Variants in KDM4A observed in about 807,000 individuals in gnomAD.
KDM4A encodes lysine demethylase 4A.
A neutral mutation model predicts 127.1 loss-of-function variants in KDM4A; 23 were observed. That is an observed-to-expected ratio of 0.18 (90% confidence interval 0.13 to 0.26). The LOEUF is 0.26. KDM4A is among the 10% of genes least tolerant of loss of function. The pLI, the probability that KDM4A is intolerant of heterozygous loss-of-function variation, is 1.00. For synonymous variants in KDM4A, 443 were observed against 466.5 expected (o/e 0.95, Z 0.65); for missense variants, 890 against 1,329.1 (o/e 0.67, Z 5.14).
rs1204649604 is a variant in KDM4A at position 43,653,233 on chromosome 1, A to G, written c.58A>G (p.Thr20Ala). ...TGCTAGGATAATGACCTTTTATCCA[A>G]CTATGGAAGAGTTCCGAAACTTCAG... ...PSARIMTFYP[T>A]MEEFRNFSRY... is the part of the protein sequence containing the mutation. Residue 20 changes from threonine (T) to alanine (A), a missense_variant, in exon 2 of 22, where the codon ACT becomes GCT. Physicochemically the swap from Thr to Ala is moderately conservative, Grantham distance 58. Around this residue, in one of 7 missense-constraint regions of KDM4A, gnomAD observed 35 missense variants for 27.7 expected, o/e 1.26. Transcript: ENST00000372396. 3 of 1,613,922 alleles carry G rather than the reference A, an allele frequency of 1.9e-6. No individual in the cohort carries two copies. Among genetic ancestry groups the G allele is most frequent in the African/African-American group, 2.7e-5 (2 of 74,926 alleles).
At chr1:43,695,438 T>G (rs1172022218) in intron 18 of KDM4A, among the ~76,000 whole-genome samples, 1 of 152,206 alleles carries the variant, frequency 6.6e-6, no homozygotes, top group Non-Finnish European at 1.5e-5. Flanking sequence ...GAGACTGTTG[T>G]GTGCAGAGCT....
chr1:43,694,515 CAAA>C lies in KDM4A; in HGVS notation c.2485-177_2485-175del, dbSNP rs35419389. Among the ~76,000 whole-genome samples, 6 of 107,312 alleles carry C rather than the reference CAAA, an allele frequency of 5.6e-5. No homozygotes were observed. The highest frequency in any genetic ancestry group is 1.0e-4 in the Admixed American group (1 of 9,876). 70.4% of individuals were successfully genotyped at this position (107,312 alleles called of 152,430 possible). On this transcript the variant is annotated intron_variant, in intron 17 of 21. Transcript: ENST00000372396. The surrounding 1 kb of genome is among the most constrained non-coding windows in gnomAD (Gnocchi z 5.2). ...TGGGTGACAGAGCAAGACTCCGTCTCAAAAAAAAAAAAAAAAAAATTTCCTTGG... is the reference window on the plus strand; with the variant it reads ...TGGGTGACAGAGCAAGACTCCGTCTCAAAAAAAAAAAAAAAATTTCCTTGG...
rs1252283678 is a variant in KDM4A at position 43,694,864 on chromosome 1, C to G, written c.2640C>G (p.Thr880=). The change falls in exon 18 of 22, where the codon ACC becomes ACG. Residue 880 remains threonine (T), a synonymous_variant. Coordinates refer to ENST00000372396, the MANE Select transcript of KDM4A (RefSeq NM_014663.3). The surrounding 1 kb of genome is among the most constrained non-coding windows in gnomAD (Gnocchi z 5.2). ...ACTGGCCTTTTGTGGTCTTCATTAC[C>G]TGCTTTCGGCACAAGATTCCTAATT... ...PDDWPFVVFI[T]CFRHKIPNLE... 3 of 1,601,788 alleles carry G rather than the reference C, an allele frequency of 1.9e-6. No individual in the cohort carries two copies. Among genetic ancestry groups the G allele is most frequent in the Non-Finnish European group, 1.7e-6 (2 of 1,169,580 alleles).
intron 11 of KDM4A, among the ~76,000 whole-genome samples, chr1:43,680,213 G>A (rs1217701369): frequency 6.6e-6 from 1 of 152,190 alleles, no homozygotes; most frequent in African/African-American, 2.4e-5. Context: ...CAGCATGACG[G>A]TAGTGGAAAG....
At chr1:43,672,774 G>A (rs1157281873) in intron 11 of KDM4A, among the ~76,000 whole-genome samples, 2 of 152,190 alleles carry the variant, frequency 1.3e-5, no homozygotes, top group Admixed American at 6.5e-5. Flanking sequence ...GATTACAGGC[G>A]TGAACCACCG....
chr1:43,693,593 T>C lies in KDM4A; in HGVS notation c.2376-401T>C, dbSNP rs755957193. ...GAGGCCGAGAGAGAGCTGTGATTACTGGCAGATTAGGGCACAGCCGGGGAC... is the reference window on the plus strand; with the variant it reads ...GAGGCCGAGAGAGAGCTGTGATTACCGGCAGATTAGGGCACAGCCGGGGAC... On this transcript the variant is annotated intron_variant, in intron 16 of 21. Transcript: ENST00000372396. This position sits in a 1 kb window ranked among gnomAD's most constrained non-coding sequence, Gnocchi z 4.2. Among the ~76,000 whole-genome samples the C allele has an allele frequency of 6.6e-5, 10 of 152,304 alleles. No individual in the cohort carries two copies. Among genetic ancestry groups the C allele is most frequent in the Middle Eastern group, 3.4e-3 (1 of 294 alleles).
Position 43,704,274 on chromosome 1 carries a change from A to G in KDM4A, c.3099A>G (p.Lys1033=). ...DMRFNEIFTE[K]EVKQEKKRQR... Reference sequence around the variant, plus strand: ...GCTTCAATGAGATTTTCACAGAGAAAGAGGTTAAGCAAGAAAAGAAACGGC... The same window carrying G: ...GCTTCAATGAGATTTTCACAGAGAAGGAGGTTAAGCAAGAAAAGAAACGGC... The change falls in exon 22 of 22, where the codon AAA becomes AAG. Residue 1033 remains lysine (K), a synonymous_variant. Coordinates refer to ENST00000372396, the MANE Select transcript of KDM4A (RefSeq NM_014663.3). 6.2e-7 allele frequency: 1 copy of G among 1,614,176 alleles called. No homozygotes were observed. The highest frequency in any genetic ancestry group is 8.5e-7 in the Non-Finnish European group (1 of 1,180,028).
intron 1 of KDM4A, among the ~76,000 whole-genome samples, chr1:43,650,903 T>A (rs527623734): frequency 4.7e-4 from 72 of 152,276 alleles, no homozygotes; most frequent in African/African-American, 1.7e-3. Context: ...TGTTACTGAT[T>A]GGGAGGGAAG....
chr1:43,667,213 C>T, intron 8 of KDM4A, 122 bp downstream of exon 8: 3 of 1,084,142 alleles, frequency 2.8e-6, no homozygotes, highest in Non-Finnish European at 2.7e-6. Flanking sequence ...AAGCAGCTAG[C>T]AATGTGTCAG....
At chr1:43,690,558 T>G in intron 13 of KDM4A, 1 of 464,000 alleles carries the variant, frequency 2.2e-6, no homozygotes, top group East Asian at 4.2e-5. Context: ...TCTCAGTGCA[T>G]TTTATTAACC....
intron 2 of KDM4A, 101 bp from the exon 3 acceptor site, chr1:43,655,490 T>G: frequency 9.9e-7 from 1 of 1,014,278 alleles, no homozygotes; most frequent in East Asian, 2.5e-5. Flanking sequence ...AACTGTCTAG[T>G]AAAATTGACT....
At chr1:43,675,889 A>G (rs1399289535) in intron 11 of KDM4A, among the ~76,000 whole-genome samples, 1 of 151,812 alleles carries the variant, frequency 6.6e-6, no homozygotes, top group African/African-American at 2.4e-5. Context: ...CTTGTCCAAC[A>G]TGGCGAAACC....
chr1:43,678,682 G>T (rs1013541688), intron 11 of KDM4A, among the ~76,000 whole-genome samples: 5 of 151,496 alleles, frequency 3.3e-5, no homozygotes, highest in African/African-American at 9.7e-5. Flanking sequence ...CGACCTCCCA[G>T]GCTTAACTGA....
chr1:43,684,766 G>C (rs1312673810), intron 12 of KDM4A, among the ~76,000 whole-genome samples: 2 of 152,200 alleles, frequency 1.3e-5, no homozygotes, highest in African/African-American at 4.8e-5. Flanking sequence ...GAGTCATTTA[G>C]ATTCCTTTAG....
intron 3 of KDM4A, among the ~76,000 whole-genome samples, chr1:43,659,336 A>G (rs1660318724): frequency 6.6e-6 from 1 of 151,852 alleles, no homozygotes; most frequent in African/African-American, 2.4e-5. Flanking sequence ...TTTGAGACAG[A>G]GTTTTACTCT....
In KDM4A at chr1:43,683,812, T is replaced by C. The variant is rs1251875333; in HGVS notation, c.1855+8T>C. On this transcript the variant is annotated splice_region_variant and intron_variant, in intron 12 of 21. Transcript: ENST00000372396. ...AGTGTGTCAGTGATGATGGTAAGTG[T>C]TGTTTTTTCTTCACCAGGAGGAAAG... 1.2e-6 allele frequency: 2 copies of C among 1,613,046 alleles called. No homozygotes were observed. The highest frequency in any genetic ancestry group is 1.3e-5 in the African/African-American group (1 of 74,852).
chr1:43,683,956 T>G, intron 12 of KDM4A, 152 bp downstream of exon 12: 1 of 814,144 alleles, frequency 1.2e-6, no homozygotes, highest in South Asian at 2.0e-5. Context: ...CCGGATTTCC[T>G]TATATCTAAT....
At chr1:43,698,829 C>G (rs1661308987) in intron 19 of KDM4A, among the ~76,000 whole-genome samples, 2 of 152,186 alleles carry the variant, frequency 1.3e-5, no homozygotes, top group African/African-American at 4.8e-5. Context: ...CACTCTGACG[C>G]CCAGGCTGGA....
Position 43,671,853 on chromosome 1 carries a change from T to C in KDM4A, c.1712T>C (p.Phe571Ser), listed in dbSNP as rs755820197. Residue 571 changes from phenylalanine to serine, a missense_variant, in exon 11 of 22, where the codon TTC (phenylalanine) becomes TCC (serine). Phe to Ser is a radical substitution (Grantham distance 155). This residue lies in a region of KDM4A where 389 missense variants were observed against 485.9 expected (regional missense o/e 0.80). Transcript: ENST00000372396. ...AAGAAAGGAAGCGCCGCTAGAAGTT[T>C]CAGTGAGCGGGAGCTGGCAGAGGTA... ...TRKKGSAARS[F>S]SERELAEVAD... 8 of 1,576,002 alleles carry C rather than the reference T, an allele frequency of 5.1e-6. No individual in the cohort carries two copies. Among genetic ancestry groups the C allele is most frequent in the Non-Finnish European group, 5.2e-6 (6 of 1,159,546 alleles).
Sources: gnomAD v4.1 joint callset for allele counts (sites outside exome capture counted in the v4.1 genomes callset) on GRCh38, gnomAD v4.1.1 for gene constraint, gnomAD v4.1.1 regional missense constraint, Gnocchi (gnomAD v3.1) non-coding constraint, MANE v1.5 for transcripts, NCBI Gene and HGNC (gene_info 2026-07-23, HGNC 2026-07-21) for gene names.